STK11: variants seen among roughly 807,000 people sequenced by gnomAD.
STK11 encodes serine/threonine kinase 11, also known as serine/threonine-protein kinase STK11.
Under a neutral mutation model 47.3 loss-of-function variants are expected in STK11, and 8 were observed. The observed-to-expected ratio is 0.17, with a 90% CI of 0.10 to 0.31. The LOEUF (loss-of-function observed/expected upper bound fraction) is 0.31, where lower values mean the gene tolerates loss of function less well. STK11 is among the 10% of genes least tolerant of loss of function. The pLI is 1.00. For missense variants in STK11, 475 were observed against 605.0 expected, an observed-to-expected ratio of 0.79 and a Z score of 2.25; for synonymous variants, 330 against 255.8, an observed-to-expected ratio of 1.29 and a Z score of -2.77.
intron 9 of STK11, 148 bp from the exon 10 acceptor site, chr19:1,227,445 G>T (rs1269922228): frequency 6.9e-5 from 57 of 823,986 alleles, no homozygotes; most frequent in Non-Finnish European, 8.6e-5. Flanking sequence ...AGTGACTCAA[G>T]GGTGGCCTTC....
chr19:1,219,251 C>G, intron 2 of STK11, 73 bp from the exon 3 acceptor site: 3 of 1,528,938 alleles, frequency 2.0e-6, no homozygotes, highest in Non-Finnish European at 2.7e-6. Flanking sequence ...TCCAGAGCCC[C>G]TTTTCTGGCC....
In STK11 at chr19:1,206,873, A is replaced by T. The variant is rs2145404189; in HGVS notation, c.-41A>T. The T allele has an allele frequency of 6.5e-7, 1 of 1,534,472 alleles. No individual in the cohort carries two copies. The highest frequency in any genetic ancestry group is 8.8e-7 in the Non-Finnish European group (1 of 1,133,742). On this transcript the variant is annotated 5_prime_UTR_variant, in exon 1 of 10. Coordinates refer to ENST00000326873, the MANE Select transcript of STK11 (RefSeq NM_000455.5). ...ACAAGGAAGGACCGCTCACCCGCGG[A>T]CTCAGGGCTGGCGGCGGGACTCCAG...
At chr19:1,215,958 A>G (rs987473125) in intron 1 of STK11, among the ~76,000 whole-genome samples, 5 of 130,512 alleles carry the variant, frequency 3.8e-5, no homozygotes, top group Admixed American at 2.3e-4. Flanking sequence ...GCTGGTTTCG[A>G]ACTCCTGACC....
At chr19:1,225,954 G>A (rs2080817429) in intron 8 of STK11, 4 of 991,976 alleles carry the variant, frequency 4.0e-6, no homozygotes, top group Non-Finnish European at 4.8e-6. Flanking sequence ...GCAGCTGGGG[G>A]CCCTGGCAGG....
intron 1 of STK11, among the ~76,000 whole-genome samples, chr19:1,208,957 C>G (rs532187305): frequency 1.3e-5 from 2 of 152,006 alleles, no homozygotes; most frequent in East Asian, 1.9e-4. Flanking sequence ...CTGTGACATG[C>G]GGAAACCAGG....
chr19:1,219,452 CG>C (rs544282452), intron 3 of STK11, 39 bp downstream of exon 3: 6 of 1,514,496 alleles, frequency 4.0e-6, no homozygotes, highest in Non-Finnish European at 5.4e-6. Flanking sequence ...GGGCGGGGGC[CG>C]GGGGCCAGGC....
At chr19:1,210,626 T>G (rs973012661) in intron 1 of STK11, among the ~76,000 whole-genome samples, 1 of 152,214 alleles carries the variant, frequency 6.6e-6, no homozygotes. Flanking sequence ...TCCCAGCACT[T>G]TGGGAGGCCA....
chr19:1,226,185 G>C (rs1011005266), intron 8 of STK11: 2 of 1,322,410 alleles, frequency 1.5e-6, no homozygotes, highest in East Asian at 6.5e-5. Flanking sequence ...ACCTGGGTGG[G>C]GTCCCACCTG....
At chr19:1,215,168 T>C (rs1174601507) in intron 1 of STK11, among the ~76,000 whole-genome samples, 1 of 144,668 alleles carries the variant, frequency 6.9e-6, no homozygotes, top group Non-Finnish European at 1.6e-5. Flanking sequence ...CCCGGGGCCT[T>C]TGCCGAGCCC....
Position 1,227,600 on chromosome 19 carries a change from C to G in STK11, c.*24C>G. ...CTTCCTTCCACCCTGCAGCCCGTGT[C>G]CAGGAGCCCCGCCAGGTGCCCGCGC... On this transcript the variant is annotated 3_prime_UTR_variant, in exon 10 of 10. Transcript: ENST00000326873. 2.8e-6 allele frequency: 3 copies of G among 1,065,040 alleles called. No homozygotes were observed. Among genetic ancestry groups the G allele is most frequent in the Non-Finnish European group, 3.4e-6 (3 of 879,118 alleles). The allele number at this position is 1,065,040 out of a possible 1,614,324, so 66.0% of individuals were successfully genotyped here.
At chr19:1,222,121 C>T (rs1324343987) in intron 7 of STK11, 115 bp downstream of exon 7, 6 of 1,270,446 alleles carry the variant, frequency 4.7e-6, no homozygotes, top group Non-Finnish European at 6.6e-6. Flanking sequence ...TGGGCTGGGG[C>T]CAGACCCCGT....
chr19:1,219,444 G>GAGGGGGC, intron 3 of STK11, 31 bp downstream of exon 3: 1 of 1,304,782 alleles, frequency 7.7e-7, no homozygotes, highest in Non-Finnish European at 1.1e-6. Context: ...CCAGGGTGGG[G>GAGGGGGC]CGGGGGCCGG....
At chr19:1,220,066 A>C in intron 3 of STK11, 1 of 353,188 alleles carries the variant, frequency 2.8e-6, no homozygotes, top group Non-Finnish European at 5.3e-6. Flanking sequence ...GCAGGACCAC[A>C]GGGGCAGGGA....
chr19:1,217,129 G>A (rs1319520549), intron 1 of STK11, among the ~76,000 whole-genome samples: 1 of 152,140 alleles, frequency 6.6e-6, no homozygotes, highest in Non-Finnish European at 1.5e-5. Context: ...GGCTCACAGG[G>A]TAACAGACCT....
chr19:1,227,637 T>C lies in STK11; in HGVS notation c.*61T>C. ...CCAGGTGCCCGCGCCAGGCCCTCAG[T>C]CTTCCTGCCGGTTCCGCCCGCCCTC... is the stretch of plus-strand genomic sequence containing the variant. On this transcript the variant is annotated 3_prime_UTR_variant, in exon 10 of 10. Coordinates refer to ENST00000326873, the MANE Select transcript of STK11 (RefSeq NM_000455.5). 9.4e-7 allele frequency: 1 copy of C among 1,067,226 alleles called. No individual in the cohort carries two copies. The highest frequency in any genetic ancestry group is 1.1e-6 in the Non-Finnish European group (1 of 880,554). 66.1% of individuals were successfully genotyped at this position (1,067,226 alleles called of 1,614,324 possible).
At position 1,226,650 on chromosome 19, in the gene STK11, C is replaced by G. The variant is rs2145436694; in HGVS notation, c.*3C>G. 1 of 1,517,250 alleles carries G rather than the reference C, an allele frequency of 6.6e-7. No homozygotes were observed. Among genetic ancestry groups the G allele is most frequent in the Non-Finnish European group, 8.8e-7 (1 of 1,134,342 alleles). The allele number at this position is 1,517,250 out of a possible 1,614,324, so 94.0% of individuals were successfully genotyped here. A position where few individuals can be genotyped will look rare whatever the true frequency, so the allele number is the denominator to read the frequency against. ...TGTCGGCCTGCAAGCAGCAGTGAGG[C>G]TGGCCGCCTGCAGGTGGGGCGCGGC... On this transcript the variant is annotated 3_prime_UTR_variant, in exon 9 of 10. Transcript: ENST00000326873.
intron 1 of STK11, among the ~76,000 whole-genome samples, chr19:1,209,607 TAAA>T (rs2080695439): frequency 6.6e-6 from 1 of 151,514 alleles, no homozygotes; most frequent in Non-Finnish European, 1.5e-5. Context: ...AATAAATAAA[TAAA>T]TAAATAAATA....
chr19:1,227,757 G>A lies in STK11; in HGVS notation c.*181G>A, dbSNP rs973464085. 3.3e-5 allele frequency: 35 copies of A among 1,073,566 alleles called. No individual in the cohort carries two copies. Among genetic ancestry groups the A allele is most frequent in the Admixed American group, 1.6e-4 (3 of 18,812 alleles). The allele number at this position is 1,073,566 out of a possible 1,614,324, so 66.5% of individuals were successfully genotyped here. ...GGCAGGGGGACAGCAGGGACCGGGC[G>A]CAGCCCTCCCCCCTCGGCCGCCCGG... On this transcript the variant is annotated 3_prime_UTR_variant, in exon 10 of 10. Coordinates refer to ENST00000326873, the MANE Select transcript of STK11 (RefSeq NM_000455.5).
At chr19:1,207,240 C>G in intron 1 of STK11, 37 bp downstream of exon 1, 1 of 1,560,804 alleles carries the variant, frequency 6.4e-7, no homozygotes, top group East Asian at 2.4e-5. Context: ...CCGGGCCGGG[C>G]CAGTCACGGT....
Sources: gnomAD v4.1 joint callset for allele counts (sites outside exome capture counted in the v4.1 genomes callset) on GRCh38, gnomAD v4.1.1 for gene constraint, MANE v1.5 for transcripts, NCBI Gene and HGNC (gene_info 2026-07-23, HGNC 2026-07-21) for gene names.